Variants in ACSF2 observed in about 807,000 individuals in gnomAD.
ACSF2 encodes acyl-CoA synthetase family member 2.
Under a neutral mutation model 79.3 loss-of-function variants are expected in ACSF2, and 52 were observed. The observed-to-expected ratio is 0.66, with a 90% confidence interval of 0.53 to 0.83. ACSF2 has a LOEUF of 0.83. Among genes scored for constraint, ACSF2 ranks in the 40% least tolerant of loss-of-function variants. ACSF2 has a pLI of 0.00. For missense variants in ACSF2, 661 were observed against 803.3 expected (o/e 0.82, Z 2.14); for synonymous variants, 283 against 312.6 (o/e 0.91, Z 1.00).
At chr17:50,426,879 C>T (rs1915044490) in intron 1 of ACSF2, 1 of 1,535,278 alleles carries the variant, frequency 6.5e-7, no homozygotes, top group Non-Finnish European at 8.7e-7. Context: ...CTGCCTACTC[C>T]TGGGCCTATT....
intron 10 of ACSF2, chr17:50,468,462 C>T (rs1468182994): frequency 6.2e-7 from 1 of 1,614,258 alleles, no homozygotes. Flanking sequence ...TCGTCGAAGG[C>T]ACCTGCGCGC....
intron 1 of ACSF2, among the ~76,000 whole-genome samples, chr17:50,453,761 TTGTGTG>T (rs147831399): frequency 6.6e-6 from 1 of 150,408 alleles, no homozygotes; most frequent in Non-Finnish European, 1.5e-5. Flanking sequence ...TGTTTTGGGT[TTGTGTG>T]TGTGTGTGTG....
intron 1 of ACSF2, among the ~76,000 whole-genome samples, chr17:50,440,203 C>T (rs1395340181): frequency 6.6e-6 from 1 of 151,380 alleles, no homozygotes; most frequent in Non-Finnish European, 1.5e-5. Flanking sequence ...ATTTTGAAAG[C>T]CTCACTGGTG....
At chr17:50,459,015 G>T (rs2032180967) in intron 1 of ACSF2, among the ~76,000 whole-genome samples, 1 of 152,198 alleles carries the variant, frequency 6.6e-6, no homozygotes, top group Admixed American at 6.5e-5. Flanking sequence ...CATAGTACTT[G>T]GCACATACGG....
intron 1 of ACSF2, among the ~76,000 whole-genome samples, chr17:50,443,494 A>T (rs138671283): frequency 6.6e-6 from 1 of 152,232 alleles, no homozygotes; most frequent in Non-Finnish European, 1.5e-5. Flanking sequence ...GAATAAGAAA[A>T]GAATTTGCTA....
chr17:50,434,145 C>T (rs2030189737), intron 1 of ACSF2, among the ~76,000 whole-genome samples: 1 of 151,454 alleles, frequency 6.6e-6, no homozygotes. Flanking sequence ...GAGACCCCAT[C>T]TCTACAGATA....
At chr17:50,438,113 G>A (rs770008186) in intron 1 of ACSF2, among the ~76,000 whole-genome samples, 3 of 152,176 alleles carry the variant, frequency 2.0e-5, no homozygotes, top group Admixed American at 6.5e-5. Flanking sequence ...GACCTCCCTT[G>A]TATACCAAAA....
At chr17:50,437,388 G>T (rs1416618666) in intron 1 of ACSF2, among the ~76,000 whole-genome samples, 1 of 152,122 alleles carries the variant, frequency 6.6e-6, no homozygotes, top group African/African-American at 2.4e-5. Flanking sequence ...AATGGCTTAC[G>T]CCTGTAATCC....
chr17:50,463,678 G>A lies in ACSF2; in HGVS notation c.1046+126G>A. 6.7e-7 allele frequency: 1 copy of A among 1,498,706 alleles called. No homozygotes were observed. The highest frequency in any genetic ancestry group is 1.3e-5 in the South Asian group (1 of 79,872). 92.8% of individuals were successfully genotyped at this position (1,498,706 alleles called of 1,614,324 possible). ...GGAGACTGAGGATGGGGACAGTGGA[G>A]GACCCCCAGGAGAGGACCAGTTCCT... is the stretch of plus-strand genomic sequence containing the variant. On this transcript the variant is annotated intron_variant, in intron 8 of 15. Transcript: ENST00000300441. This position sits in a 1 kb window ranked among gnomAD's most constrained non-coding sequence, Gnocchi z 4.6.
In ACSF2 at chr17:50,463,041, A is replaced by T; in HGVS notation, c.793-115A>T. Reference sequence around the variant, plus strand: ...TTTTGCAAATATACTGAACAGATGGATCTGGGGCAACAATCCCTGTCTCCT... The same window carrying T: ...TTTTGCAAATATACTGAACAGATGGTTCTGGGGCAACAATCCCTGTCTCCT... On this transcript the variant is annotated intron_variant, in intron 6 of 15. Coordinates refer to ENST00000300441, the MANE Select transcript of ACSF2 (RefSeq NM_025149.6). This position sits in a 1 kb window ranked among gnomAD's most constrained non-coding sequence, Gnocchi z 4.6. 1 of 842,860 alleles carries T rather than the reference A, an allele frequency of 1.2e-6. No individual in the cohort carries two copies. Among genetic ancestry groups the T allele is most frequent in the Non-Finnish European group, 1.9e-6 (1 of 516,858 alleles). The allele number at this position is 842,860 out of a possible 1,614,324, so 52.2% of individuals were successfully genotyped here.
chr17:50,441,774 C>G (rs1193036412), intron 1 of ACSF2, among the ~76,000 whole-genome samples: 2 of 152,166 alleles, frequency 1.3e-5, no homozygotes. Flanking sequence ...GCTTTATCAC[C>G]TACAGTGTAT....
chr17:50,468,441 G>C (rs1362729273), intron 10 of ACSF2: 2 of 1,614,152 alleles, frequency 1.2e-6, no homozygotes, highest in Non-Finnish European at 8.5e-7. Context: ...AGGTAGGTCA[G>C]CTCGGTCAGG....
intron 10 of ACSF2, among the ~76,000 whole-genome samples, chr17:50,466,521 C>T (rs2032741818): frequency 1.3e-5 from 2 of 152,198 alleles, no homozygotes; most frequent in Admixed American, 6.5e-5. Context: ...ACAATCCCTG[C>T]ACAAACACTG....
chr17:50,459,008 A>G (rs1469508158), intron 1 of ACSF2, among the ~76,000 whole-genome samples: 1 of 152,214 alleles, frequency 6.6e-6, no homozygotes, highest in East Asian at 1.9e-4. Flanking sequence ...GTCCTAGCAT[A>G]GTACTTGGCA....
chr17:50,454,355 C>T (rs901719267), intron 1 of ACSF2, among the ~76,000 whole-genome samples: 3 of 151,480 alleles, frequency 2.0e-5, no homozygotes, highest in Non-Finnish European at 2.9e-5. Flanking sequence ...ACAAATATCC[C>T]AAAATAAATA....
In ACSF2 at chr17:50,426,843, C is replaced by T. The variant is rs111766565; in HGVS notation, c.128+454C>T. The T allele has an allele frequency of 5.2e-3, 7,690 of 1,490,906 alleles. 337 individuals are homozygous for T. In the African/African-American group the frequency reaches 0.091, roughly 18 times the overall value. 92.4% of individuals were successfully genotyped at this position (1,490,906 alleles called of 1,614,324 possible). ...CAGTCTCCTGTCTCCTCATCAGCTG[C>T]TCACTAACATGGCTTTAATTCTTTG... On this transcript the variant is annotated intron_variant, in intron 1 of 15. Transcript: ENST00000300441.
rs201659040 is a variant in ACSF2, at chr17:50,463,559, A to G, written c.1046+7A>G. 3.7e-6 allele frequency: 6 copies of G among 1,613,534 alleles called. No individual in the cohort carries two copies. In the East Asian group the frequency reaches 1.1e-4, roughly 30 times the overall value. On this transcript the variant is annotated splice_region_variant and intron_variant, in intron 8 of 15. Coordinates refer to ENST00000300441, the MANE Select transcript of ACSF2 (RefSeq NM_025149.6). The surrounding 1 kb of genome is among the most constrained non-coding windows in gnomAD (Gnocchi z 4.6). Reference sequence around the variant, plus strand: ...AGGCCATCAGCAGAGAGAGGTGGGCACTGGTGGACAGGCTACTTGTGGGCT... The same window carrying G: ...AGGCCATCAGCAGAGAGAGGTGGGCGCTGGTGGACAGGCTACTTGTGGGCT...
intron 1 of ACSF2, among the ~76,000 whole-genome samples, chr17:50,452,455 G>T (rs1009047333): frequency 1.3e-5 from 2 of 151,884 alleles, no homozygotes; most frequent in African/African-American, 4.8e-5. Context: ...CTGCACTACA[G>T]CCTGGGTGAC....
In ACSF2 at chr17:50,453,950, A is replaced by T. The variant is rs564542204; in HGVS notation, c.129-6727A>T. On this transcript the variant is annotated intron_variant, in intron 1 of 15. Coordinates refer to ENST00000300441, the MANE Select transcript of ACSF2 (RefSeq NM_025149.6). ...GCATGCTACTATGCCTAGCTAATTT[A>T]AAAAAAAAAAAATTGCCAGCCTGGG... 2.1e-3 allele frequency among the ~76,000 whole-genome samples: 290 copies of T among 139,704 alleles called. 3 individuals are homozygous for T. Among genetic ancestry groups the T allele is most frequent in the African/African-American group, 7.8e-3 (277 of 35,446 alleles). The allele number at this position is 139,704 out of a possible 152,430, so 91.7% of individuals were successfully genotyped here.
Sources: gnomAD v4.1 joint callset for allele counts (sites outside exome capture counted in the v4.1 genomes callset) on GRCh38, gnomAD v4.1.1 for gene constraint, Gnocchi (gnomAD v3.1) non-coding constraint, MANE v1.5 for transcripts, NCBI Gene and HGNC (gene_info 2026-07-23, HGNC 2026-07-21) for gene names.